Variants in TNFRSF11A observed in about 807,000 individuals in gnomAD.
TNFRSF11A encodes tumor necrosis factor receptor superfamily member 11A.
Under a neutral mutation model 55.7 loss-of-function variants are expected in TNFRSF11A, and 32 were observed. The observed-to-expected ratio is 0.57, with a 90% CI of 0.43 to 0.77. TNFRSF11A has a LOEUF of 0.77. Ranked by LOEUF, TNFRSF11A falls within the 30% of genes least tolerant of loss-of-function variation. The pLI, the probability that TNFRSF11A is intolerant of heterozygous loss-of-function variation, is 0.00. For missense variants in TNFRSF11A, 753 were observed against 809.8 expected (o/e 0.93, Z 0.85); for synonymous variants, 311 against 331.0 (o/e 0.94, Z 0.65).
intron 9 of TNFRSF11A, among the ~76,000 whole-genome samples, chr18:62,370,538 T>A (rs1910470905): frequency 6.6e-6 from 1 of 152,202 alleles, no homozygotes; most frequent in Admixed American, 6.5e-5. Flanking sequence ...GATCTGTGCC[T>A]TAAACACAGA....
chr18:62,330,630 G>C lies in TNFRSF11A; in HGVS notation c.75+5203G>C, dbSNP rs201706622. Among the ~76,000 whole-genome samples the C allele has an allele frequency of 1.6e-4, 24 of 150,910 alleles. No individual in the cohort carries two copies. In the East Asian group the frequency reaches 3.3e-3, roughly 21 times the overall value. ...AAGAGTGTCCAGGGGCGGGCCGGAG[G>C]GGGCCAGTAAGGAGCCTACTGCCTT... On this transcript the variant is annotated intron_variant, in intron 1 of 9. Transcript: ENST00000586569.
intron 1 of TNFRSF11A, among the ~76,000 whole-genome samples, chr18:62,328,021 A>G (rs1404449734): frequency 2.6e-5 from 4 of 152,278 alleles, no homozygotes; most frequent in African/African-American, 7.2e-5. Context: ...ATCTGGGGTT[A>G]TAAGATGCAA....
chr18:62,329,774 A>G (rs2046124429), intron 1 of TNFRSF11A, among the ~76,000 whole-genome samples: 1 of 152,150 alleles, frequency 6.6e-6, no homozygotes, highest in African/African-American at 2.4e-5. Context: ...CCAACCTGGC[A>G]GCGCTCCCCA....
At chr18:62,384,683 C>T (rs1325339604) in intron 9 of TNFRSF11A, 68 bp from the exon 10 acceptor site, 4 of 1,569,968 alleles carry the variant, frequency 2.5e-6, no homozygotes, top group Non-Finnish European at 3.5e-6. Context: ...CCGGAACCTT[C>T]CTCTCGGCAG....
At chr18:62,366,573 A>G in intron 7 of TNFRSF11A, 135 bp from the exon 8 acceptor site, 3 of 966,928 alleles carry the variant, frequency 3.1e-6, no homozygotes, top group East Asian at 2.5e-5. Flanking sequence ...TTGCTTCACT[A>G]TAGTAACCAT....
At chr18:62,339,702 G>A (rs555115997) in intron 1 of TNFRSF11A, among the ~76,000 whole-genome samples, 1 of 152,300 alleles carries the variant, frequency 6.6e-6, no homozygotes, top group Non-Finnish European at 1.5e-5. Flanking sequence ...ACTTCGTAAA[G>A]AGATTGATAC....
At position 62,369,199 on chromosome 18, in the gene TNFRSF11A, A is replaced by G; in HGVS notation, c.1282A>G (p.Ser428Gly). ...AAACTACTTGCAAAAAGAGGTGGAC[A>G]GTGGCCATTGCCCGCACTGGGCAGC... ...SENYLQKEVDSGHCPHWAASP... is the reference protein window; with the variant it reads ...SENYLQKEVDGGHCPHWAASP... The change falls in exon 9 of 10, where the codon AGT (serine) becomes GGT (glycine). Residue 428 changes from serine (S) to glycine (G), a missense_variant. Ser to Gly is a moderately conservative substitution (Grantham distance 56). Coordinates refer to ENST00000586569, the MANE Select transcript of TNFRSF11A (RefSeq NM_003839.4). The G allele has an allele frequency of 6.2e-7, 1 of 1,614,054 alleles. No individual in the cohort carries two copies. The highest frequency in any genetic ancestry group is 8.5e-7 in the Non-Finnish European group (1 of 1,180,052).
At chr18:62,360,746 C>T (rs1375561354) in intron 6 of TNFRSF11A, among the ~76,000 whole-genome samples, 3 of 152,132 alleles carry the variant, frequency 2.0e-5, no homozygotes, top group African/African-American at 4.8e-5. Context: ...TGTGCCCAGC[C>T]ACATTAAATT....
In TNFRSF11A at chr18:62,345,941, C is replaced by T. The variant is rs557285791; in HGVS notation, c.76-2227C>T. On this transcript the variant is annotated intron_variant, in intron 1 of 9. Transcript: ENST00000586569. ...TGGAGGATAGGTGGGTTGAATGAAT[C>T]GCAGCCATACTCCTAAACATGGAGT... 3.3e-5 allele frequency among the ~76,000 whole-genome samples: 5 copies of T among 152,244 alleles called. No homozygotes were observed. The South Asian group carries it at 6.2e-4, about 19-fold the overall frequency.
chr18:62,365,135 A>G (rs537146288), intron 7 of TNFRSF11A, among the ~76,000 whole-genome samples: 43 of 151,696 alleles, frequency 2.8e-4, no homozygotes, highest in African/African-American at 8.7e-4. Context: ...TAATTTTTGT[A>G]TTTTTTTATA....
intron 1 of TNFRSF11A, among the ~76,000 whole-genome samples, chr18:62,338,249 C>T (rs1450327985): frequency 6.6e-6 from 1 of 152,168 alleles, no homozygotes; most frequent in Admixed American, 6.5e-5. Context: ...AATGATGCCA[C>T]CCCTGCGGAA....
Position 62,325,764 on chromosome 18 carries a change from C to T in TNFRSF11A, c.75+337C>T, listed in dbSNP as rs72931559. On this transcript the variant is annotated intron_variant, in intron 1 of 9. Coordinates refer to ENST00000586569, the MANE Select transcript of TNFRSF11A (RefSeq NM_003839.4). The surrounding 1 kb of genome is among the most constrained non-coding windows in gnomAD (Gnocchi z 4.7). ...GCACCTACTAAGCGCTTGCGCCGGG[C>T]GGTGCCGCGGGAGACAGCGCCGTGG... Among the ~76,000 whole-genome samples the T allele has an allele frequency of 0.24, 36,861 of 152,202 alleles. 4,769 individuals carry two copies. The highest frequency in any genetic ancestry group is 0.37 in the Middle Eastern group (108 of 294).
chr18:62,333,905 C>T (rs1190465906), intron 1 of TNFRSF11A, among the ~76,000 whole-genome samples: 1 of 151,802 alleles, frequency 6.6e-6, no homozygotes, highest in Non-Finnish European at 1.5e-5. Context: ...CACTCTGTCG[C>T]CTAGGCTGGA....
Position 62,369,347 on chromosome 18 carries a change from G to A in TNFRSF11A, c.1430G>A (p.Gly477Asp). The change falls in exon 9 of 10, where the codon GGC becomes GAC. Residue 477 changes from glycine to aspartate, a missense_variant. Gly to Asp is a moderately conservative substitution (Grantham distance 94, BLOSUM62 -1). Around this residue, in one of 3 missense-constraint regions of TNFRSF11A, gnomAD observed 567 missense variants for 596.7 expected, o/e 0.95. Transcript: ENST00000586569. ...GPLPQCAYGM[G>D]LPPEEEASRT... is the part of the protein sequence containing the mutation. ...TTGCCCCAGTGCGCCTATGGCATGG[G>A]CCTTCCCCCTGAAGAAGAAGCCAGC... The A allele has an allele frequency of 6.2e-7, 1 of 1,610,018 alleles. No individual in the cohort carries two copies. The highest frequency in any genetic ancestry group is 1.7e-5 in the Admixed American group (1 of 59,872).
chr18:62,337,277 T>C (rs1431599350), intron 1 of TNFRSF11A, among the ~76,000 whole-genome samples: 1 of 152,194 alleles, frequency 6.6e-6, no homozygotes, highest in Non-Finnish European at 1.5e-5. Flanking sequence ...TTTATCACAA[T>C]TAATAATATA....
intron 8 of TNFRSF11A, among the ~76,000 whole-genome samples, chr18:62,367,070 G>A (rs538741153): frequency 1.3e-5 from 2 of 152,272 alleles, no homozygotes; most frequent in East Asian, 1.9e-4. Context: ...CGCTAGTCTC[G>A]AACTCCTGGC....
intron 9 of TNFRSF11A, among the ~76,000 whole-genome samples, chr18:62,380,141 T>C (rs1259948921): frequency 6.6e-6 from 1 of 152,220 alleles, no homozygotes; most frequent in African/African-American, 2.4e-5. Flanking sequence ...AGCGTGGAGC[T>C]CTTCAGAGCA....
At chr18:62,369,694 G>A (rs975184288) in intron 9 of TNFRSF11A, among the ~76,000 whole-genome samples, 3 of 152,174 alleles carry the variant, frequency 2.0e-5, no homozygotes, top group South Asian at 2.1e-4. Flanking sequence ...TGGCTTCATC[G>A]TTTACCACTG....
chr18:62,372,611 G>A (rs958349742), intron 9 of TNFRSF11A, among the ~76,000 whole-genome samples: 10 of 151,964 alleles, frequency 6.6e-5, no homozygotes, highest in Admixed American at 2.6e-4. Flanking sequence ...GACTGATCTC[G>A]TCATCCAGGC....
Sources: allele counts gnomAD v4.1 joint callset (sites outside exome capture counted in the v4.1 genomes callset), GRCh38; gene constraint gnomAD v4.1.1; regional missense constraint gnomAD v4.1.1; non-coding constraint Gnocchi (gnomAD v3.1); transcripts MANE v1.5; gene names NCBI Gene and HGNC (gene_info 2026-07-23, HGNC 2026-07-21).